Variants in CPLX1 observed in about 807,000 individuals in gnomAD.
CPLX1 encodes complexin 1.
CPLX1 carries 6 observed loss-of-function variants against 15.6 expected under a neutral mutation model. That is an observed-to-expected ratio of 0.39 (90% confidence interval 0.21 to 0.76). The LOEUF is 0.76. Among genes scored for constraint, CPLX1 ranks in the 30% least tolerant of loss-of-function variants. CPLX1 has a pLI of 0.43. For missense variants in CPLX1, 242 were observed against 188.6 expected (o/e 1.28, Z -1.66); for synonymous variants, 91 against 75.2 (o/e 1.21, Z -1.08).
intron 1 of CPLX1, 134 bp from the exon 2 acceptor site, chr4:824,735 C>T (rs1746942440): frequency 2.9e-6 from 2 of 698,684 alleles, no homozygotes; most frequent in East Asian, 2.7e-5. Context: ...CCTGGGAAGT[C>T]CTTCGTGAGG....
At position 820,928 on chromosome 4, in the gene CPLX1, G is replaced by A. The variant is rs115736545; in HGVS notation, c.31+3564C>T. 4.8e-3 allele frequency among the ~76,000 whole-genome samples: 729 copies of A among 152,240 alleles called. 5 individuals carry two copies. Among genetic ancestry groups the A allele is most frequent in the African/African-American group, 0.016 (685 of 41,540 alleles). On this transcript the variant is annotated intron_variant, in intron 2 of 3. Transcript: ENST00000304062. ...GGGGCGCGGAGGGGCTCTCCCACACGGTGGAACCCTGCACTTCCTGCCTGG... is the reference window on the plus strand; with the variant it reads ...GGGGCGCGGAGGGGCTCTCCCACACAGTGGAACCCTGCACTTCCTGCCTGG...
At chr4:809,118 G>C (rs1746611036) in intron 2 of CPLX1, among the ~76,000 whole-genome samples, 1 of 152,254 alleles carries the variant, frequency 6.6e-6, no homozygotes, top group South Asian at 2.1e-4. Flanking sequence ...TACTCAGTGG[G>C]GCTCATTTTA....
chr4:789,583 G>A (rs1746106552), intron 3 of CPLX1, among the ~76,000 whole-genome samples: 1 of 152,198 alleles, frequency 6.6e-6, no homozygotes, highest in Non-Finnish European at 1.5e-5. Flanking sequence ...GCCCAGGTGT[G>A]GGCTGCCCAA....
intron 2 of CPLX1, among the ~76,000 whole-genome samples, chr4:806,799 G>T (rs1392781662): frequency 6.6e-6 from 1 of 152,222 alleles, no homozygotes; most frequent in African/African-American, 2.4e-5. Context: ...AGTCAGTATG[G>T]TGATTAAGAT....
chr4:800,802 C>T (rs1315383610), intron 2 of CPLX1, among the ~76,000 whole-genome samples: 1 of 148,068 alleles, frequency 6.8e-6, no homozygotes, highest in African/African-American at 2.5e-5. Flanking sequence ...TATACATACA[C>T]ACACGTATGT....
rs947350686 is a variant in CPLX1, at chr4:824,536, C to T, written c.-14G>A. The T allele has an allele frequency of 9.9e-6, 16 of 1,612,858 alleles. No individual in the cohort carries two copies. Among genetic ancestry groups the T allele is most frequent in the Middle Eastern group, 1.7e-4 (1 of 6,060 alleles). ...CACAAACTCCATGGCGATTGCTCTG[C>T]TTCCACAGTGGCTCCTCCAGGGGTC... is the stretch of plus-strand genomic sequence containing the variant. On this transcript the variant is annotated 5_prime_UTR_variant, in exon 2 of 4. Transcript: ENST00000304062.
chr4:820,002 CTGAT>C (rs1746831420), intron 2 of CPLX1, among the ~76,000 whole-genome samples: 1 of 152,222 alleles, frequency 6.6e-6, no homozygotes, highest in Non-Finnish European at 1.5e-5. Flanking sequence ...TCCTCTTCCT[CTGAT>C]TGTTACTTGC....
At chr4:823,433 T>C (rs1746910249) in intron 2 of CPLX1, among the ~76,000 whole-genome samples, 1 of 152,092 alleles carries the variant, frequency 6.6e-6, no homozygotes, top group African/African-American at 2.4e-5. Context: ...CCCTGGCCCC[T>C]CGAACCCGGC....
chr4:815,824 C>T (rs972624119), intron 2 of CPLX1, among the ~76,000 whole-genome samples: 3 of 152,158 alleles, frequency 2.0e-5, no homozygotes, highest in Non-Finnish European at 4.4e-5. Context: ...CTTGTTACAA[C>T]GGGTGGGGAA....
intron 2 of CPLX1, among the ~76,000 whole-genome samples, chr4:795,519 G>A (rs1746307579): frequency 6.6e-6 from 1 of 152,320 alleles, no homozygotes; most frequent in East Asian, 1.9e-4. Flanking sequence ...GATTGCAGGG[G>A]GGTCGGATCC....
chr4:800,553 T>C (rs922964490), intron 2 of CPLX1, among the ~76,000 whole-genome samples: 3 of 139,076 alleles, frequency 2.2e-5, no homozygotes, highest in African/African-American at 7.9e-5. Flanking sequence ...CATGTATGTA[T>C]ATATAAATAT....
chr4:787,769 C>G (rs1746045736), intron 3 of CPLX1: 6 of 985,166 alleles, frequency 6.1e-6, no homozygotes, highest in Non-Finnish European at 7.2e-6. Context: ...CCTCCCCACG[C>G]CACACTCCTC....
rs545336000 is a variant in CPLX1, at chr4:803,951, G to A, written c.32-11343C>T. Among the ~76,000 whole-genome samples, 228 of 152,314 alleles carry A rather than the reference G, an allele frequency of 1.5e-3. 2 individuals carry two copies. Among genetic ancestry groups the A allele is most frequent in the African/African-American group, 4.4e-3 (181 of 41,576 alleles). Reference sequence around the variant, plus strand: ...ATCCCAAAGTGCTGAGATTACAGGCGTGAGCCACCACGCCTGGCCTCACGG... The same window carrying A: ...ATCCCAAAGTGCTGAGATTACAGGCATGAGCCACCACGCCTGGCCTCACGG... On this transcript the variant is annotated intron_variant, in intron 2 of 3. Coordinates refer to ENST00000304062, the MANE Select transcript of CPLX1 (RefSeq NM_006651.4).
At chr4:804,474 A>G (rs1746516921) in intron 2 of CPLX1, among the ~76,000 whole-genome samples, 1 of 152,240 alleles carries the variant, frequency 6.6e-6, no homozygotes, top group Non-Finnish European at 1.5e-5. Context: ...CCTACTTAGA[A>G]ATAAAAGGGA....
chr4:818,059 G>A (rs949419839), intron 2 of CPLX1, among the ~76,000 whole-genome samples: 1 of 152,240 alleles, frequency 6.6e-6, no homozygotes, highest in Non-Finnish European at 1.5e-5. Context: ...TGAATCTGGT[G>A]TAAAAGAAGG....
At position 814,219 on chromosome 4, in the gene CPLX1, A is replaced by AT. The variant is rs572361585; in HGVS notation, c.31+10272dup. Among the ~76,000 whole-genome samples the AT allele has an allele frequency of 5.7e-3, 842 of 147,116 alleles. 5 individuals carry two copies. Among genetic ancestry groups the AT allele is most frequent in the Non-Finnish European group, 7.1e-3 (472 of 66,226 alleles). On this transcript the variant is annotated intron_variant, in intron 2 of 3. Transcript: ENST00000304062. ...ATGCTAGCTGTCCCCACTCTGCCTGATTTTTTTTTTTTAAGACGGAGTCTC... is the reference window on the plus strand; with the variant it reads ...ATGCTAGCTGTCCCCACTCTGCCTGATTTTTTTTTTTTTAAGACGGAGTCTC...
At position 786,357 on chromosome 4, in the gene CPLX1, A is replaced by C; in HGVS notation, c.*144T>G. 1 of 838,220 alleles carries C rather than the reference A, an allele frequency of 1.2e-6. No homozygotes were observed. The highest frequency in any genetic ancestry group is 1.7e-6 in the Non-Finnish European group (1 of 598,408). 51.9% of individuals were successfully genotyped at this position (838,220 alleles called of 1,614,324 possible). ...GCGCGCGCCCCTTGCCGGGTGAGGG[A>C]GGCGGCGGGCGCGGGCAGGGCGGGC... On this transcript the variant is annotated 3_prime_UTR_variant, in exon 4 of 4. Transcript: ENST00000304062.
At chr4:819,932 C>G (rs1371271611) in intron 2 of CPLX1, among the ~76,000 whole-genome samples, 7 of 152,222 alleles carry the variant, frequency 4.6e-5, no homozygotes, top group Non-Finnish European at 1.0e-4. Flanking sequence ...GCACCAGGTC[C>G]CCAGTAGCAT....
intron 2 of CPLX1, among the ~76,000 whole-genome samples, chr4:795,919 G>A (rs977088745): frequency 1.3e-5 from 2 of 152,100 alleles, no homozygotes; most frequent in Non-Finnish European, 2.9e-5. Context: ...TTCCTCTGCA[G>A]ACATCGGGGA....
Sources: gnomAD v4.1 joint callset for allele counts (sites outside exome capture counted in the v4.1 genomes callset) on GRCh38, gnomAD v4.1.1 for gene constraint, MANE v1.5 for transcripts, NCBI Gene and HGNC (gene_info 2026-07-23, HGNC 2026-07-21) for gene names.